Variants in SPAG16 observed in about 807,000 individuals in gnomAD.
SPAG16 encodes the protein sperm associated antigen 16.
Under a neutral mutation model 80.4 loss-of-function variants are expected in SPAG16, and 86 were observed. The ratio of observed to expected loss-of-function variants is 1.07; its 90% confidence interval spans 0.90 to 1.28. SPAG16 has a LOEUF of 1.28. SPAG16 is among the 50% of genes most tolerant of loss of function. SPAG16 has a pLI of 0.00. For missense variants in SPAG16, 870 were observed against 765.3 expected, an observed-to-expected ratio of 1.14 and a Z score of -1.61; for synonymous variants, 294 against 265.9, an observed-to-expected ratio of 1.11 and a Z score of -1.03.
intron 10 of SPAG16, among the ~76,000 whole-genome samples, chr2:213,576,531 C>T (rs577726118): frequency 1.3e-5 from 2 of 152,214 alleles, no homozygotes; most frequent in South Asian, 4.1e-4. Flanking sequence ...CGCATATGTT[C>T]ATTGCAGCAC....
At chr2:214,071,211 A>G (rs1353546831) in intron 13 of SPAG16, among the ~76,000 whole-genome samples, 14 of 152,134 alleles carry the variant, frequency 9.2e-5, no homozygotes, top group Non-Finnish European at 1.9e-4. Flanking sequence ...ATAGTTATAC[A>G]GCTAGGAAGA....
intron 12 of SPAG16, among the ~76,000 whole-genome samples, chr2:213,931,052 GT>G (rs917568541): frequency 2.5e-4 from 38 of 151,598 alleles, no homozygotes; most frequent in African/African-American, 7.0e-4. Flanking sequence ...CCTAGGGGTG[GT>G]AGCTCTTTCT....
At chr2:213,758,765 C>T (rs1359194846) in intron 10 of SPAG16, among the ~76,000 whole-genome samples, 1 of 152,044 alleles carries the variant, frequency 6.6e-6, no homozygotes, top group Non-Finnish European at 1.5e-5. Flanking sequence ...ACGGATAGAA[C>T]CTTTCCAAAT....
At chr2:213,620,267 C>G (rs1574519652) in intron 10 of SPAG16, among the ~76,000 whole-genome samples, 1 of 113,392 alleles carries the variant, frequency 8.8e-6, no homozygotes, top group African/African-American at 3.4e-5. Context: ...ATGTAGTTAA[C>G]AATAATTTAT....
At chr2:213,762,615 C>T (rs1351973414) in intron 10 of SPAG16, among the ~76,000 whole-genome samples, 1 of 152,114 alleles carries the variant, frequency 6.6e-6, no homozygotes, top group Admixed American at 6.5e-5. Flanking sequence ...TGAACCCTTA[C>T]CTTGCACCAT....
At chr2:214,285,226 T>C (rs1364447098) in intron 15 of SPAG16, among the ~76,000 whole-genome samples, 1 of 152,200 alleles carries the variant, frequency 6.6e-6, no homozygotes, top group East Asian at 1.9e-4. Context: ...TGATTAGTGA[T>C]GACAGCACCT....
intron 10 of SPAG16, among the ~76,000 whole-genome samples, chr2:213,525,965 T>C (rs956606191): frequency 7.9e-5 from 12 of 152,272 alleles, no homozygotes; most frequent in Admixed American, 3.9e-4. Flanking sequence ...TAGCATTCTG[T>C]TCTTATCCTC....
At chr2:213,792,309 T>G (rs1167672212) in intron 10 of SPAG16, among the ~76,000 whole-genome samples, 1 of 152,190 alleles carries the variant, frequency 6.6e-6, no homozygotes. Context: ...AGTTCTGTTT[T>G]CTCATAAAGG....
chr2:214,357,675 C>A (rs1428031785), intron 15 of SPAG16, among the ~76,000 whole-genome samples: 1 of 151,868 alleles, frequency 6.6e-6, no homozygotes, highest in African/African-American at 2.4e-5. Context: ...ATACTATTAT[C>A]TACAATCTTT....
At chr2:214,362,305 C>A (rs1331381705) in intron 15 of SPAG16, among the ~76,000 whole-genome samples, 1 of 151,900 alleles carries the variant, frequency 6.6e-6, no homozygotes, top group Non-Finnish European at 1.5e-5. Context: ...CTGTACACTT[C>A]TTCCACATTG....
chr2:213,440,177 T>C (rs1418497160), intron 9 of SPAG16, among the ~76,000 whole-genome samples: 3 of 152,118 alleles, frequency 2.0e-5, no homozygotes, highest in Non-Finnish European at 2.9e-5. Flanking sequence ...ATAAGCAATA[T>C]CAACTCAAAG....
Position 214,144,955 on chromosome 2 carries a change from A to C in SPAG16, c.1594-4185A>C, listed in dbSNP as rs114541411. On this transcript the variant is annotated intron_variant, in intron 14 of 15. Transcript: ENST00000331683. ...AGACATAGGGACTTTCATAGAAAAA[A>C]TTATGTTACTATATAATATTTCTTA... Among the ~76,000 whole-genome samples the C allele has an allele frequency of 1.5e-3, 234 of 152,170 alleles. 1 individual carries two copies. The highest frequency in any genetic ancestry group is 5.3e-3 in the African/African-American group (221 of 41,540).
intron 15 of SPAG16, among the ~76,000 whole-genome samples, chr2:214,384,767 G>GGCT (rs1163923121): frequency 2.0e-5 from 3 of 152,164 alleles, no homozygotes; most frequent in African/African-American, 7.2e-5. Context: ...CAAAGCATAT[G>GGCT]GCTGCTGCTT....
At chr2:214,060,090 C>T (rs1220017493) in intron 13 of SPAG16, among the ~76,000 whole-genome samples, 1 of 152,108 alleles carries the variant, frequency 6.6e-6, no homozygotes, top group Non-Finnish European at 1.5e-5. Context: ...GATCAAGCAA[C>T]CTTTGAAAGA....
intron 1 of SPAG16, among the ~76,000 whole-genome samples, chr2:213,287,088 G>T (rs1244581023): frequency 6.6e-6 from 1 of 151,542 alleles, no homozygotes; most frequent in Admixed American, 6.5e-5. Context: ...AATATACATT[G>T]TTCTTAGCTA....
At chr2:213,887,276 G>A (rs146798092) in intron 11 of SPAG16, among the ~76,000 whole-genome samples, 2 of 152,016 alleles carry the variant, frequency 1.3e-5, no homozygotes, top group East Asian at 3.9e-4. Flanking sequence ...AGCATCTATT[G>A]TTGCATTTAA....
At chr2:214,026,239 C>T (rs1218818700) in intron 13 of SPAG16, among the ~76,000 whole-genome samples, 1 of 151,200 alleles carries the variant, frequency 6.6e-6, no homozygotes, top group Non-Finnish European at 1.5e-5. Flanking sequence ...TATACATACA[C>T]ATATTATATT....
intron 10 of SPAG16, among the ~76,000 whole-genome samples, chr2:213,772,110 T>C (rs2069286555): frequency 6.6e-6 from 1 of 152,116 alleles, no homozygotes; most frequent in South Asian, 2.1e-4. Context: ...TGTGTCCTCT[T>C]ATTTCCTTGA....
intron 15 of SPAG16, among the ~76,000 whole-genome samples, chr2:214,201,056 T>C (rs2057995117): frequency 6.6e-6 from 1 of 152,130 alleles, no homozygotes; most frequent in Admixed American, 6.6e-5. Context: ...TCTGGAAAAG[T>C]GGTGTCAATA....
Sources: gnomAD v4.1 joint callset for allele counts (sites outside exome capture counted in the v4.1 genomes callset) on GRCh38, gnomAD v4.1.1 for gene constraint, MANE v1.5 for transcripts, NCBI Gene and HGNC (gene_info 2026-07-23, HGNC 2026-07-21) for gene names.